CPLANE1: variants seen among roughly 807,000 people sequenced by gnomAD.
CPLANE1 encodes the protein ciliogenesis and planar polarity effector complex subunit 1.
CPLANE1 carries 263 observed loss-of-function variants against 362.5 expected under a neutral mutation model. The ratio of observed to expected loss-of-function variants is 0.73; its 90% confidence interval spans 0.66 to 0.80. CPLANE1 has a LOEUF of 0.80. CPLANE1 is among the 30% of genes least tolerant of loss of function. The pLI, the probability that CPLANE1 is intolerant of heterozygous loss-of-function variation, is 0.00. For missense variants in CPLANE1, 3,461 were observed against 3,793.4 expected (o/e 0.91, Z 2.30); for synonymous variants, 1,212 against 1,302.6 (o/e 0.93, Z 1.50).
chr5:37,241,178 G>T (rs1470209136), intron 6 of CPLANE1, among the ~76,000 whole-genome samples: 2 of 151,816 alleles, frequency 1.3e-5, no homozygotes, highest in African/African-American at 4.8e-5. Context: ...AGAAGGCCAG[G>T]CATGGTGGCT....
intron 23 of CPLANE1, 101 bp from the exon 24 acceptor site, chr5:37,186,495 T>C (rs559698417): frequency 1.7e-4 from 109 of 649,628 alleles, no homozygotes; most frequent in Non-Finnish European, 2.8e-4. Flanking sequence ...AAATGCACAT[T>C]TCTTACTAAT....
intron 18 of CPLANE1, among the ~76,000 whole-genome samples, chr5:37,202,901 CCTAT>C (rs1190470863): frequency 7.3e-5 from 11 of 150,790 alleles, no homozygotes; most frequent in East Asian, 1.9e-4. Flanking sequence ...AATCTATGTC[CCTAT>C]CTATTTTGTA....
chr5:37,146,841 T>C (rs1482386987), intron 43 of CPLANE1, among the ~76,000 whole-genome samples: 1 of 151,814 alleles, frequency 6.6e-6, no homozygotes, highest in African/African-American at 2.4e-5. Flanking sequence ...ATAAAGCATA[T>C]CAAAAAGATA....
chr5:37,183,365 T>G lies in CPLANE1; in HGVS notation c.4816A>C (p.Lys1606Gln), dbSNP rs1215183879. ...CTAAACACATTCTGGCTTTTAGTTT[T>G]GCTCTGATGTCGTTTTAATGTTGTA... The part of the protein sequence containing the change: ...VHTTLKRHQS[K>Q]TKSQNVFRAG... The change falls in exon 26 of 53, where the codon AAA becomes CAA. Residue 1606 changes from lysine (K) to glutamine (Q), a missense_variant. Coordinates refer to ENST00000651892, the MANE Select transcript of CPLANE1 (RefSeq NM_001384732.1). The G allele has an allele frequency of 6.2e-7, 1 of 1,612,580 alleles. No homozygotes were observed.
intron 51 of CPLANE1, among the ~76,000 whole-genome samples, chr5:37,112,634 G>C (rs539420657): frequency 6.6e-6 from 1 of 152,326 alleles, no homozygotes; most frequent in East Asian, 1.9e-4. Context: ...ACCAAACAGT[G>C]TCTACAGAGT....
chr5:37,176,065 C>T, intron 30 of CPLANE1, 79 bp from the exon 31 acceptor site: 3 of 919,370 alleles, frequency 3.3e-6, no homozygotes, highest in Non-Finnish European at 5.3e-6. Flanking sequence ...CTATGCTCAG[C>T]CATCTAAGAG....
At chr5:37,132,010 G>C (rs923526764) in intron 46 of CPLANE1, among the ~76,000 whole-genome samples, 1 of 151,982 alleles carries the variant, frequency 6.6e-6, no homozygotes, top group African/African-American at 2.4e-5. Flanking sequence ...CTGTTAACAC[G>C]ATCATTAACT....
chr5:37,181,102 ATCCTC>A, intron 26 of CPLANE1, 97 bp from the exon 27 acceptor site: 1 of 1,003,054 alleles, frequency 1.0e-6, no homozygotes, highest in Non-Finnish European at 1.4e-6. Context: ...ATTCTGAATA[ATCCTC>A]TTATTCATTT....
rs1178453531 is a variant in CPLANE1 at position 37,169,050 on chromosome 5, T to C, written c.6974A>G (p.Asn2325Ser). ...TGAAGAGTCCTGTTGAGGTGTCAAA[T>C]TTTCTTGTCCAACATATTGATCCAA... is the stretch of plus-strand genomic sequence containing the variant. Reference protein sequence around the residue: ...VNLDQYVGQENLTPQQDSSVF... With the variant: ...VNLDQYVGQESLTPQQDSSVF... The change falls in exon 34 of 53, where the codon AAT (asparagine) becomes AGT (serine). Residue 2325 changes from asparagine (N) to serine (S), a missense_variant. Coordinates refer to ENST00000651892, the MANE Select transcript of CPLANE1 (RefSeq NM_001384732.1). 1.2e-6 allele frequency: 2 copies of C among 1,614,234 alleles called. No homozygotes were observed. The highest frequency in any genetic ancestry group is 1.7e-5 in the Admixed American group (1 of 60,028).
At chr5:37,116,714 C>G (rs983698556) in intron 50 of CPLANE1, among the ~76,000 whole-genome samples, 1 of 152,048 alleles carries the variant, frequency 6.6e-6, no homozygotes, top group Non-Finnish European at 1.5e-5. Flanking sequence ...AACATAGAGT[C>G]AAACTCCCAA....
rs1796476838 is a variant in CPLANE1, at chr5:37,226,369, C to A, written c.2226G>T (p.Trp742Cys). 1.3e-6 allele frequency: 2 copies of A among 1,548,426 alleles called. No individual in the cohort carries two copies. The highest frequency in any genetic ancestry group is 1.7e-6 in the Non-Finnish European group (2 of 1,146,038). Residue 742 changes from tryptophan to cysteine, a missense_variant, in exon 12 of 53, where the codon TGG becomes TGT. Physicochemically the swap from Trp to Cys is radical, Grantham distance 215. Around this residue, in one of 2 missense-constraint regions of CPLANE1, gnomAD observed 3,380 missense variants for 3,666.1 expected, o/e 0.92. Transcript: ENST00000651892. The part of the protein sequence containing the change: ...MFQDSGFQKN[W>C]SWNSFFKIHP... ...GAATCTTGAAAAATGAGTTCCAAGACCAGTTTTTCTGAAAACCACTATCTT... is the reference window on the plus strand; with the variant it reads ...GAATCTTGAAAAATGAGTTCCAAGAACAGTTTTTCTGAAAACCACTATCTT...
intron 31 of CPLANE1, among the ~76,000 whole-genome samples, 160 bp from the exon 32 acceptor site, chr5:37,174,107 T>C (rs2151011578): frequency 6.6e-6 from 1 of 152,326 alleles, no homozygotes; most frequent in Admixed American, 6.5e-5. Context: ...TTCTCTCTAG[T>C]GCCCGTCAGC....
rs997012863 is a variant in CPLANE1, at chr5:37,129,553, G to GA, written c.8793-4145dup. ...ACAAGGAACTCAAACAAATAAGCAA[G>GA]AAAAAAAAATTCCATCAAAACAATA... On this transcript the variant is annotated intron_variant, in intron 46 of 52. Transcript: ENST00000651892. Among the ~76,000 whole-genome samples the GA allele has an allele frequency of 4.0e-5, 6 of 150,230 alleles. No homozygotes were observed. The South Asian group carries it at 6.3e-4, about 16-fold the overall frequency.
chr5:37,224,376 T>C, intron 13 of CPLANE1, 43 bp from the exon 14 acceptor site: 1 of 1,395,552 alleles, frequency 7.2e-7, no homozygotes, highest in Non-Finnish European at 9.8e-7. Flanking sequence ...TTAATTATAT[T>C]ACTTCATAAA....
chr5:37,177,717 T>G lies in CPLANE1; in HGVS notation c.5821-17A>C, dbSNP rs1173004154. 2.7e-5 allele frequency: 43 copies of G among 1,596,556 alleles called. No homozygotes were observed. The highest frequency in any genetic ancestry group is 3.3e-5 in the Non-Finnish European group (39 of 1,166,154). On this transcript the variant is annotated splice_polypyrimidine_tract_variant and intron_variant, in intron 29 of 52. Coordinates refer to ENST00000651892, the MANE Select transcript of CPLANE1 (RefSeq NM_001384732.1). ...TGTGAACTCCTGTTAAAATGAATAG[T>G]ACCCAAAAAGAAAACAGGTAAAACA...
chr5:37,243,008 C>T lies in CPLANE1; in HGVS notation c.677+5G>A. The T allele has an allele frequency of 6.6e-7, 1 of 1,511,998 alleles. No homozygotes were observed. The highest frequency in any genetic ancestry group is 8.9e-7 in the Non-Finnish European group (1 of 1,122,200). The allele number at this position is 1,511,998 out of a possible 1,614,324, so 93.7% of individuals were successfully genotyped here. A position where few individuals can be genotyped will look rare whatever the true frequency, so the allele number is the denominator to read the frequency against. ...AGAAAAGGAAGAAGAAAACATTTAC[C>T]TCACCTTACAGATGTAAATACATTC... On this transcript the variant is annotated splice_donor_5th_base_variant and intron_variant, in intron 6 of 52. Transcript: ENST00000651892.
chr5:37,182,091 C>CA (rs895437182), intron 26 of CPLANE1, among the ~76,000 whole-genome samples: 91 of 150,398 alleles, frequency 6.1e-4, no homozygotes, highest in African/African-American at 1.9e-3. Context: ...GACTCCATCT[C>CA]AAAAAAAACA....
At chr5:37,095,529 T>A in the CPLANE1 span, among the ~76,000 whole-genome samples, 29 of 152,148 alleles carry the variant, frequency 1.9e-4, no homozygotes, top group Non-Finnish European at 3.7e-4. Flanking sequence ...GGAACAAGGA[T>A]GCCCACTCTC....
intron 44 of CPLANE1, chr5:37,139,947 T>C: frequency 1.0e-6 from 1 of 982,152 alleles, no homozygotes; most frequent in South Asian, 4.7e-5. Context: ...AGTACTGGAG[T>C]GCAATTTACT....
Sources: gnomAD v4.1 joint callset for allele counts (sites outside exome capture counted in the v4.1 genomes callset) on GRCh38, gnomAD v4.1.1 for gene constraint, gnomAD v4.1.1 regional missense constraint, MANE v1.5 for transcripts, NCBI Gene and HGNC (gene_info 2026-07-23, HGNC 2026-07-21) for gene names.